GPLD1: variants seen among roughly 807,000 people sequenced by gnomAD.
GPLD1 encodes phosphatidylinositol-glycan-specific phospholipase D.
In GPLD1, 84 loss-of-function variants were observed where a neutral mutation model predicts 112.6. The observed-to-expected ratio is 0.75, with a 90% CI of 0.63 to 0.89. The LOEUF is 0.89. Among genes scored for constraint, GPLD1 ranks in the 40% least tolerant of loss-of-function variants. The pLI, the probability that GPLD1 is intolerant of heterozygous loss-of-function variation, is 0.00. For missense variants in GPLD1, 1,044 were observed against 1,051.5 expected (o/e 0.99, Z 0.10); for synonymous variants, 386 against 403.8 (o/e 0.96, Z 0.53).
chr6:24,476,978 C>T (rs540921655), intron 3 of GPLD1, among the ~76,000 whole-genome samples: 16 of 151,968 alleles, frequency 1.1e-4, no homozygotes, highest in African/African-American at 3.4e-4. Context: ...TTTTCTATGC[C>T]GTTCCTAAAG....
intron 13 of GPLD1, among the ~76,000 whole-genome samples, chr6:24,454,649 A>G (rs148178781): frequency 6.6e-6 from 1 of 152,378 alleles, no homozygotes; most frequent in Non-Finnish European, 1.5e-5. Flanking sequence ...TTTTTACCAC[A>G]GCCACAAAGG....
At chr6:24,484,314 C>G (rs12197494) in intron 2 of GPLD1, among the ~76,000 whole-genome samples, 3 of 151,992 alleles carry the variant, frequency 2.0e-5, no homozygotes, top group Non-Finnish European at 2.9e-5. Context: ...CGGGTTCAAA[C>G]GATTCCCCGC....
chr6:24,494,603 T>C (rs1056736277), intron 1 of GPLD1, among the ~76,000 whole-genome samples: 3 of 152,052 alleles, frequency 2.0e-5, no homozygotes, highest in Non-Finnish European at 4.4e-5. Context: ...TGGGGGATGC[T>C]AAGGGGAGAG....
intron 13 of GPLD1, 59 bp downstream of exon 13, chr6:24,456,439 T>C (rs916731942): frequency 2.0e-5 from 22 of 1,090,284 alleles, no homozygotes; most frequent in Non-Finnish European, 2.7e-5. Context: ...AGTTGCAGAA[T>C]GATTGAATAA....
chr6:24,486,575 GGGAGGCCGA>G (rs1485645341), intron 1 of GPLD1, among the ~76,000 whole-genome samples: 1 of 152,172 alleles, frequency 6.6e-6, no homozygotes, highest in Non-Finnish European at 1.5e-5. Context: ...CAAGAACTTT[GGGAGGCCGA>G]GGAGGGCGGA....
At chr6:24,448,980 C>T (rs1762996778) in intron 15 of GPLD1, among the ~76,000 whole-genome samples, 1 of 152,016 alleles carries the variant, frequency 6.6e-6, no homozygotes, top group Admixed American at 6.6e-5. Flanking sequence ...GTCATTATGA[C>T]ACCCAGGGAA....
Position 24,446,941 on chromosome 6 carries a change from C to G in GPLD1, c.1717G>C (p.Gly573Arg). Reference sequence around the variant, plus strand: ...CCAAACCAGGAGAAGTCTTCCTCGCCTCTCACCGTCCAGTTGGCTGCCTCC... The same window carrying G: ...CCAAACCAGGAGAAGTCTTCCTCGCGTCTCACCGTCCAGTTGGCTGCCTCC... ...NVEAANWTVR[G>R]EEDFSWFGYS... Residue 573 changes from glycine (G) to arginine (R), a missense_variant, in exon 18 of 25, where the codon GGC becomes CGC. Transcript: ENST00000230036. The G allele has an allele frequency of 6.2e-7, 1 of 1,613,774 alleles. No homozygotes were observed. Among genetic ancestry groups the G allele is most frequent in the Non-Finnish European group, 8.5e-7 (1 of 1,179,816 alleles).
At chr6:24,485,128 C>T (rs968246525) in intron 2 of GPLD1, among the ~76,000 whole-genome samples, 2 of 152,192 alleles carry the variant, frequency 1.3e-5, no homozygotes, top group Non-Finnish European at 2.9e-5. Flanking sequence ...AATCTCAGTG[C>T]GTATTTCTTA....
intron 17 of GPLD1, 41 bp downstream of exon 17, chr6:24,447,836 C>G (rs191563650): frequency 1.9e-4 from 300 of 1,601,816 alleles, no homozygotes; most frequent in Non-Finnish European, 2.5e-4. Context: ...CGTAGACACA[C>G]AGAGCAGCCA....
chr6:24,440,933 C>T (rs1252408642), intron 20 of GPLD1, among the ~76,000 whole-genome samples: 2 of 152,068 alleles, frequency 1.3e-5, no homozygotes, highest in Non-Finnish European at 2.9e-5. Flanking sequence ...ACAGCCATCC[C>T]TCAGTATCCA....
intron 22 of GPLD1, among the ~76,000 whole-genome samples, chr6:24,435,003 ATAATAT>A (rs1028901233): frequency 2.0e-5 from 3 of 148,720 alleles, no homozygotes; most frequent in African/African-American, 5.1e-5. Flanking sequence ...GTAAATGGGC[ATAATAT>A]TAATTTCTTT....
chr6:24,485,850 G>C (rs1764355595), intron 2 of GPLD1, among the ~76,000 whole-genome samples: 1 of 151,916 alleles, frequency 6.6e-6, no homozygotes, highest in African/African-American at 2.4e-5. Flanking sequence ...TGGATTTTTA[G>C]TGGAGATGGG....
Position 24,428,154 on chromosome 6 carries a change from GTTTCTT to G in GPLD1, c.*872_*877del, listed in dbSNP as rs1053436898. 3.7e-5 allele frequency: 3 copies of G among 80,420 alleles called. No individual in the cohort carries two copies. The highest frequency in any genetic ancestry group is 4.7e-5 in the Non-Finnish European group (2 of 42,344). The allele number at this position is 80,420 out of a possible 1,614,324, so 5.0% of individuals were successfully genotyped here. On this transcript the variant is annotated 3_prime_UTR_variant, in exon 25 of 25. Coordinates refer to ENST00000230036, the MANE Select transcript of GPLD1 (RefSeq NM_001503.4). ...ACTCTGTACTATTTTTCCTCCCTCA[GTTTCTT>G]TTTTTTTTTTTTTTCTGTATACTAT...
chr6:24,471,782 C>T (rs1028570648), intron 7 of GPLD1, among the ~76,000 whole-genome samples: 7 of 152,080 alleles, frequency 4.6e-5, no homozygotes, highest in South Asian at 2.1e-4. Context: ...TGCAGAGGCG[C>T]GATCATAGCT....
At chr6:24,453,018 C>T (rs1446988216) in intron 14 of GPLD1, among the ~76,000 whole-genome samples, 4 of 152,038 alleles carry the variant, frequency 2.6e-5, no homozygotes, top group Non-Finnish European at 5.9e-5. Context: ...CCCCCACGCT[C>T]CTCCTTATTG....
At chr6:24,466,851 A>G in intron 9 of GPLD1, 32 bp from the exon 10 acceptor site, 1 of 1,595,278 alleles carries the variant, frequency 6.3e-7, no homozygotes, top group Non-Finnish European at 8.6e-7. Flanking sequence ...AATAAAATGA[A>G]TATGGTACTA....
At chr6:24,488,814 C>G (rs1490803739) in intron 1 of GPLD1, among the ~76,000 whole-genome samples, 2 of 152,144 alleles carry the variant, frequency 1.3e-5, no homozygotes, top group Non-Finnish European at 2.9e-5. Context: ...CAGGATGACT[C>G]TGCCCTTGCC....
intron 3 of GPLD1, among the ~76,000 whole-genome samples, chr6:24,477,554 A>G (rs1764062039): frequency 6.6e-6 from 1 of 151,898 alleles, no homozygotes; most frequent in African/African-American, 2.4e-5. Context: ...CCACATCTCT[A>G]CAAAAATTTA....
At chr6:24,447,628 A>G (rs1762951506) in intron 17 of GPLD1, among the ~76,000 whole-genome samples, 1 of 152,176 alleles carries the variant, frequency 6.6e-6, no homozygotes, top group African/African-American at 2.4e-5. Flanking sequence ...TCTGTTTTAC[A>G]TGGAGACACT....
Sources: allele counts gnomAD v4.1 joint callset (sites outside exome capture counted in the v4.1 genomes callset), GRCh38; gene constraint gnomAD v4.1.1; transcripts MANE v1.5; gene names NCBI Gene and HGNC (gene_info 2026-07-23, HGNC 2026-07-21).